The following GRIK4 variants were observed in gnomAD, a reference collection of about 807,000 sequenced individuals.
The protein encoded by GRIK4 is glutamate receptor ionotropic, kainate 4.
A neutral mutation model predicts 104.9 loss-of-function variants in GRIK4; 40 were observed. The observed-to-expected ratio is 0.38, with a 90% CI of 0.30 to 0.50. The LOEUF (loss-of-function observed/expected upper bound fraction) is 0.50, where lower values mean the gene tolerates loss of function less well. GRIK4 is among the 20% of genes least tolerant of loss of function. The pLI is 0.93. For synonymous variants in GRIK4, 485 were observed against 524.9 expected (o/e 0.92, Z 1.04); for missense variants, 1,047 against 1,308.1 (o/e 0.80, Z 3.08).
At chr11:120,658,677 C>T (rs576149168) in intron 2 of GRIK4, among the ~76,000 whole-genome samples, 2 of 146,204 alleles carry the variant, frequency 1.4e-5, no homozygotes, top group East Asian at 2.0e-4. Context: ...CTGTTCAAGC[C>T]TTTGCCCATT....
intron 14 of GRIK4, among the ~76,000 whole-genome samples, chr11:120,944,115 T>C (rs1164761957): frequency 6.6e-6 from 1 of 152,170 alleles, no homozygotes; most frequent in African/African-American, 2.4e-5. Flanking sequence ...CGTTACTGTT[T>C]TTCCATCCTG....
Position 120,898,587 on chromosome 11 carries a change from C to T in GRIK4, c.1220C>T (p.Ser407Phe), listed in dbSNP as rs377434620. The T allele has an allele frequency of 5.0e-6, 8 of 1,613,274 alleles. No individual in the cohort carries two copies. The African/African-American group carries it at 1.1e-4, about 22-fold the overall frequency. The change falls in exon 12 of 21, where the codon TCC becomes TTC. Residue 407 changes from serine (S) to phenylalanine (F), a missense_variant. Physicochemically the swap from Ser to Phe is radical, Grantham distance 155 (BLOSUM62 -2). Transcript: ENST00000527524. Reference protein sequence around the residue: ...GLSMDSHLYASNISDTLFNTT... With the variant: ...GLSMDSHLYAFNISDTLFNTT... The stretch of plus-strand genomic sequence containing the variant: ...AGCATGGACAGCCACCTCTATGCCT[C>T]CAACATCTCGGACACTCTCTTCAAC...
intron 15 of GRIK4, among the ~76,000 whole-genome samples, chr11:120,954,243 T>C (rs1289459863): frequency 6.6e-6 from 1 of 152,074 alleles, no homozygotes; most frequent in Non-Finnish European, 1.5e-5. Flanking sequence ...AGGAAGGTCT[T>C]TGGGGCCCAC....
At chr11:120,658,647 T>C (rs2135235562) in intron 2 of GRIK4, among the ~76,000 whole-genome samples, 1 of 151,982 alleles carries the variant, frequency 6.6e-6, no homozygotes, top group South Asian at 2.1e-4. Flanking sequence ...GCCATTTGGA[T>C]ATCTTCTTTA....
chr11:120,612,198 A>G (rs1030591106), intron 1 of GRIK4, among the ~76,000 whole-genome samples: 9 of 152,020 alleles, frequency 5.9e-5, no homozygotes, highest in Non-Finnish European at 8.8e-5. Context: ...CTGTGGGACA[A>G]CTCGTCCGCC....
chr11:120,660,450 TCCACAAG>T, intron 3 of GRIK4, 50 bp downstream of exon 3: 1 of 1,375,130 alleles, frequency 7.3e-7, no homozygotes, highest in Non-Finnish European at 1.0e-6. Flanking sequence ...ATCCCAGGTG[TCCACAAG>T]GGACATGAGA....
intron 11 of GRIK4, among the ~76,000 whole-genome samples, chr11:120,890,520 T>A (rs1046190588): frequency 2.6e-5 from 4 of 152,236 alleles, no homozygotes; most frequent in African/African-American, 9.6e-5. Context: ...GATACACCTG[T>A]CCTAACTCAA....
At chr11:120,605,677 T>C (rs1948951156) in intron 1 of GRIK4, among the ~76,000 whole-genome samples, 1 of 152,250 alleles carries the variant, frequency 6.6e-6, no homozygotes, top group African/African-American at 2.4e-5. Context: ...GTTTTCATCC[T>C]CAGAGAGCTT....
intron 3 of GRIK4, among the ~76,000 whole-genome samples, chr11:120,744,527 C>G (rs1951403901): frequency 6.6e-6 from 1 of 152,188 alleles, no homozygotes; most frequent in Non-Finnish European, 1.5e-5. Context: ...ATGCCAGGCC[C>G]TGGGCAAAGG....
intron 1 of GRIK4, among the ~76,000 whole-genome samples, chr11:120,521,536 G>A (rs528080182): frequency 6.6e-6 from 1 of 152,288 alleles, no homozygotes; most frequent in South Asian, 2.1e-4. Context: ...CTAGCCGAAA[G>A]CCACATAGTT....
chr11:120,562,586 G>T lies in GRIK4; in HGVS notation c.-159+50699G>T, dbSNP rs537664154. Among the ~76,000 whole-genome samples the T allele has an allele frequency of 2.6e-5, 4 of 152,228 alleles. No homozygotes were observed. The South Asian group carries it at 8.3e-4, about 31-fold the overall frequency. On this transcript the variant is annotated intron_variant, in intron 1 of 20. Transcript: ENST00000527524. ...CACACACAGAAGTAAGTGAGGATTT[G>T]TGTTTGGGTCATGGCAAGCAGGCTG... is the stretch of plus-strand genomic sequence containing the variant.
chr11:120,761,742 A>G (rs1951752009), intron 3 of GRIK4, among the ~76,000 whole-genome samples: 1 of 152,158 alleles, frequency 6.6e-6, no homozygotes. Context: ...CAGGTTTGTC[A>G]AAGATCAGAT....
intron 1 of GRIK4, among the ~76,000 whole-genome samples, chr11:120,632,639 G>C (rs549009461): frequency 1.3e-5 from 2 of 152,138 alleles, no homozygotes; most frequent in African/African-American, 4.8e-5. Context: ...TGAAAACTTG[G>C]CTCTTCCAGG....
chr11:120,892,186 G>A (rs140704006), intron 11 of GRIK4, among the ~76,000 whole-genome samples: 2 of 152,280 alleles, frequency 1.3e-5, no homozygotes, highest in South Asian at 2.1e-4. Flanking sequence ...GCACTTGAAC[G>A]CGGGAGGAAG....
chr11:120,607,739 C>G (rs1299603603), intron 1 of GRIK4, among the ~76,000 whole-genome samples: 1 of 152,050 alleles, frequency 6.6e-6, no homozygotes, highest in Non-Finnish European at 1.5e-5. Flanking sequence ...GCAGCCAAAG[C>G]CACGGGCCCA....
In GRIK4 at chr11:120,972,252, TG is replaced by T. The variant is rs201060008; in HGVS notation, c.2395+4933del. Among the ~76,000 whole-genome samples the T allele has an allele frequency of 4.2e-3, 636 of 152,272 alleles. 2 individuals carry two copies. The highest frequency in any genetic ancestry group is 6.5e-3 in the Non-Finnish European group (442 of 68,022). On this transcript the variant is annotated intron_variant, in intron 19 of 20. Transcript: ENST00000527524. ...CATTGGCAATAGCCGTCAAAGGTTC[TG>T]GGGTGAGATGTGGCACACGGAAAGC...
At chr11:120,717,492 A>C (rs1950855796) in intron 3 of GRIK4, among the ~76,000 whole-genome samples, 1 of 152,064 alleles carries the variant, frequency 6.6e-6, no homozygotes, top group South Asian at 2.1e-4. Context: ...CCATCCTGCC[A>C]ACACACATGT....
At chr11:120,542,965 C>T (rs573247630) in intron 1 of GRIK4, among the ~76,000 whole-genome samples, 1 of 152,340 alleles carries the variant, frequency 6.6e-6, no homozygotes, top group Non-Finnish European at 1.5e-5. Context: ...TTACAACAAC[C>T]CTGTGCTGCA....
intron 13 of GRIK4, among the ~76,000 whole-genome samples, chr11:120,924,467 C>T (rs138559789): frequency 4.2e-4 from 64 of 152,206 alleles, no homozygotes; most frequent in Non-Finnish European, 8.4e-4. Context: ...GTGCACAAAT[C>T]GTAAGTGACA....
Sources: allele counts gnomAD v4.1 joint callset (sites outside exome capture counted in the v4.1 genomes callset), GRCh38; gene constraint gnomAD v4.1.1; transcripts MANE v1.5; gene names NCBI Gene and HGNC (gene_info 2026-07-23, HGNC 2026-07-21).